The following SMYD3 variants were observed in gnomAD, a reference collection of about 807,000 sequenced individuals.
SMYD3 encodes the protein histone-lysine N-methyltransferase SMYD3.
Under a neutral mutation model 57.7 loss-of-function variants are expected in SMYD3, and 36 were observed. The observed-to-expected ratio is 0.62, with a 90% CI of 0.48 to 0.82. The LOEUF (loss-of-function observed/expected upper bound fraction) is 0.82. Among genes scored for constraint, SMYD3 ranks in the 40% least tolerant of loss-of-function variants. The pLI is 0.00. For synonymous variants in SMYD3, 211 were observed against 195.0 expected, an observed-to-expected ratio of 1.08 and a Z score of -0.68; for missense variants, 515 against 538.8, an observed-to-expected ratio of 0.96 and a Z score of 0.44.
chr1:246,013,098 G>A (rs1277604309), intron 5 of SMYD3, among the ~76,000 whole-genome samples: 1 of 152,174 alleles, frequency 6.6e-6, no homozygotes, highest in Non-Finnish European at 1.5e-5. Flanking sequence ...TTTTGTGTGA[G>A]CTTTAAATAG....
intron 10 of SMYD3, among the ~76,000 whole-genome samples, chr1:245,778,860 A>G (rs1572312977): frequency 6.6e-6 from 1 of 152,176 alleles, no homozygotes; most frequent in African/African-American, 2.4e-5. Flanking sequence ...TCTGTAAAAG[A>G]TACATTTAAA....
chr1:246,393,235 A>G (rs898450652), intron 1 of SMYD3, among the ~76,000 whole-genome samples: 3 of 152,252 alleles, frequency 2.0e-5, no homozygotes, highest in Non-Finnish European at 4.4e-5. Context: ...TGAGTGAAGT[A>G]TATGAGATGT....
chr1:246,183,097 T>C (rs2062579776), intron 5 of SMYD3, among the ~76,000 whole-genome samples: 1 of 152,194 alleles, frequency 6.6e-6, no homozygotes, highest in Non-Finnish European at 1.5e-5. Flanking sequence ...TTCTCCATGT[T>C]GCTTTTGGAA....
At chr1:246,328,236 C>G (rs537874084) in intron 4 of SMYD3, among the ~76,000 whole-genome samples, 1 of 152,152 alleles carries the variant, frequency 6.6e-6, no homozygotes, top group East Asian at 1.9e-4. Context: ...GGCATCAACC[C>G]AAACAGAAGG....
chr1:245,953,911 A>C (rs1272294342), intron 5 of SMYD3, among the ~76,000 whole-genome samples: 1 of 152,262 alleles, frequency 6.6e-6, no homozygotes, highest in East Asian at 1.9e-4. Context: ...ACAGAAACAC[A>C]ACAGAACTTC....
At chr1:246,238,417 A>G (rs1048984856) in intron 5 of SMYD3, among the ~76,000 whole-genome samples, 10 of 152,200 alleles carry the variant, frequency 6.6e-5, no homozygotes, top group Non-Finnish European at 4.4e-5. Context: ...TTAATTCATT[A>G]AATTCTATTC....
At chr1:245,943,241 G>T (rs547103820) in intron 5 of SMYD3, among the ~76,000 whole-genome samples, 89 of 138,724 alleles carry the variant, frequency 6.4e-4, no homozygotes, top group Non-Finnish European at 1.2e-3. Flanking sequence ...AATAAAATAG[G>T]CCACTAGCTA....
intron 10 of SMYD3, among the ~76,000 whole-genome samples, chr1:245,804,363 A>G (rs1266228360): frequency 6.6e-6 from 1 of 152,174 alleles, no homozygotes; most frequent in African/African-American, 2.4e-5. Context: ...CAGGCGGATC[A>G]CGAAGTCAGG....
chr1:245,841,989 A>G lies in SMYD3; in HGVS notation c.1076+16507T>C, dbSNP rs149614463. Among the ~76,000 whole-genome samples the G allele has an allele frequency of 1.8e-4, 27 of 152,318 alleles. No individual in the cohort carries two copies. The East Asian group carries it at 5.0e-3, about 28-fold the overall frequency. ...TGCCCTATTTTTTCTATGTTTACATACACAAATACCTGCCACTGTGTTACA... is the reference window on the plus strand; with the variant it reads ...TGCCCTATTTTTTCTATGTTTACATGCACAAATACCTGCCACTGTGTTACA... On this transcript the variant is annotated intron_variant, in intron 10 of 11. Coordinates refer to ENST00000490107, the MANE Select transcript of SMYD3 (RefSeq NM_001167740.2).
At chr1:246,400,134 G>A (rs1432934021) in intron 1 of SMYD3, among the ~76,000 whole-genome samples, 1 of 152,032 alleles carries the variant, frequency 6.6e-6, no homozygotes, top group Non-Finnish European at 1.5e-5. Context: ...ATGCTCCATT[G>A]CTAGGTGACT....
At chr1:246,470,622 T>C (rs747265469) in intron 1 of SMYD3, among the ~76,000 whole-genome samples, 2 of 150,666 alleles carry the variant, frequency 1.3e-5, no homozygotes, top group East Asian at 1.9e-4. Context: ...ACTATATATA[T>C]ACACACTATA....
chr1:246,219,903 G>A (rs1558324984), intron 5 of SMYD3, among the ~76,000 whole-genome samples: 1 of 152,090 alleles, frequency 6.6e-6, no homozygotes, highest in Non-Finnish European at 1.5e-5. Context: ...GTAGTGGCTG[G>A]CTGACTCCAG....
At chr1:246,231,129 G>A (rs969242966) in intron 5 of SMYD3, among the ~76,000 whole-genome samples, 1 of 152,126 alleles carries the variant, frequency 6.6e-6, no homozygotes, top group Non-Finnish European at 1.5e-5. Context: ...GGCATTGGAC[G>A]TGCTCGGATG....
chr1:246,142,268 T>C, intron 5 of SMYD3, among the ~76,000 whole-genome samples: 1 of 152,334 alleles, frequency 6.6e-6, no homozygotes, highest in African/African-American at 2.4e-5. Context: ...AAATAATTAC[T>C]AATAAAACAA....
intron 10 of SMYD3, among the ~76,000 whole-genome samples, chr1:245,813,903 T>TACACACAC (rs1553330999): frequency 1.4e-5 from 2 of 145,936 alleles, no homozygotes; most frequent in African/African-American, 5.4e-5. Flanking sequence ...TATATATATA[T>TACACACAC]ACAGATGAAT....
At chr1:246,004,076 C>A (rs369846551) in intron 5 of SMYD3, among the ~76,000 whole-genome samples, 1 of 57,522 alleles carries the variant, frequency 1.7e-5, no homozygotes. Context: ...TGTCTCCTAT[C>A]TGTAAAATGG....
chr1:246,458,359 T>C (rs1572517735), intron 1 of SMYD3, among the ~76,000 whole-genome samples: 1 of 151,500 alleles, frequency 6.6e-6, no homozygotes. Context: ...TGAAGTGATA[T>C]CATCAACATA....
intron 2 of SMYD3, among the ~76,000 whole-genome samples, chr1:246,339,312 T>C (rs1002852147): frequency 1.3e-5 from 2 of 152,168 alleles, no homozygotes; most frequent in African/African-American, 4.8e-5. Context: ...GTCTAATACC[T>C]CAGCATTTAT....
intron 1 of SMYD3, among the ~76,000 whole-genome samples, chr1:246,415,012 C>T (rs1889542): frequency 0.32 from 49,222 of 152,012 alleles, 8,362 homozygotes; most frequent in Non-Finnish European, 0.36. Context: ...CCACCGCGCC[C>T]GGCTGGAGCC....
Sources: allele counts gnomAD v4.1 joint callset (sites outside exome capture counted in the v4.1 genomes callset), GRCh38; gene constraint gnomAD v4.1.1; transcripts MANE v1.5; gene names NCBI Gene and HGNC (gene_info 2026-07-23, HGNC 2026-07-21).